Variants in CREB3L1 observed in about 807,000 individuals in gnomAD.
CREB3L1 encodes the protein cyclic AMP-responsive element-binding protein 3-like protein 1.
A neutral mutation model predicts 54.5 loss-of-function variants in CREB3L1; 33 were observed. The observed-to-expected ratio is 0.61, with a 90% CI of 0.46 to 0.81. The LOEUF is 0.81. Among genes scored for constraint, CREB3L1 ranks in the 30% least tolerant of loss-of-function variants. The pLI is 0.00. For synonymous variants in CREB3L1, 284 were observed against 286.4 expected (o/e 0.99, Z 0.08); for missense variants, 656 against 673.3 (o/e 0.97, Z 0.29).
rs1422277690 is a variant in CREB3L1, at chr11:46,307,862, C to T, written c.378C>T (p.Ile126=). The change falls in exon 3 of 12, where the codon ATC becomes ATT. Residue 126 remains isoleucine, a synonymous_variant. Coordinates refer to ENST00000621158, the MANE Select transcript of CREB3L1 (RefSeq NM_052854.4). ...AWALGHKLCS[I]MVKQEQSPEL... Reference sequence around the variant, plus strand: ...CGCTGGGACACAAACTGTGCTCCATCATGGTGAAGCAGGAGCAGAGCCCGG... The same window carrying T: ...CGCTGGGACACAAACTGTGCTCCATTATGGTGAAGCAGGAGCAGAGCCCGG... The T allele has an allele frequency of 6.3e-7, 1 of 1,583,170 alleles. No homozygotes were observed. The highest frequency in any genetic ancestry group is 8.6e-7 in the Non-Finnish European group (1 of 1,164,856).
intron 3 of CREB3L1, 138 bp downstream of exon 3, chr11:46,308,138 C>T (rs1939429996): frequency 1.0e-5 from 8 of 784,654 alleles, no homozygotes; most frequent in Admixed American, 3.5e-5. Flanking sequence ...GTGGGAAGCC[C>T]CCGCCCAGCC....
At chr11:46,299,556 A>C (rs959494210) in intron 1 of CREB3L1, among the ~76,000 whole-genome samples, 1 of 152,234 alleles carries the variant, frequency 6.6e-6, no homozygotes, top group Non-Finnish European at 1.5e-5. Flanking sequence ...GGAAGTAAGA[A>C]GGACTGAGAA....
intron 2 of CREB3L1, among the ~76,000 whole-genome samples, chr11:46,303,508 G>A (rs1939332662): frequency 6.6e-6 from 1 of 151,666 alleles, no homozygotes; most frequent in Non-Finnish European, 1.5e-5. Context: ...GTTGGGAGTG[G>A]AGGTGTGTGC....
chr11:46,287,019 C>T (rs745722936), intron 1 of CREB3L1, among the ~76,000 whole-genome samples: 24 of 152,278 alleles, frequency 1.6e-4, no homozygotes, highest in South Asian at 8.3e-4. Context: ...AGTGGGTCCA[C>T]AGGTCAGATG....
chr11:46,295,613 G>T lies in CREB3L1; in HGVS notation c.103-4322G>T, dbSNP rs7109511. On this transcript the variant is annotated intron_variant, in intron 1 of 11. Coordinates refer to ENST00000621158, the MANE Select transcript of CREB3L1 (RefSeq NM_052854.4). This position sits in a 1 kb window ranked among gnomAD's most constrained non-coding sequence, Gnocchi z 4.6. ...CGGGACCCTCCTCCGCGCGAGCCCT[G>T]CACTCCTCCGGTGCCCTCCACGCCG... Among the ~76,000 whole-genome samples the T allele has an allele frequency of 6.1e-3, 924 of 152,312 alleles. 8 individuals are homozygous for T. The highest frequency in any genetic ancestry group is 0.02 in the African/African-American group (812 of 41,570).
Position 46,321,337 on chromosome 11 carries a change from TA to T in CREB3L1, c.*593del, listed in dbSNP as rs1939649726. The T allele has an allele frequency of 4.3e-6, 1 of 232,746 alleles. No homozygotes were observed. The highest frequency in any genetic ancestry group is 8.6e-6 in the Non-Finnish European group (1 of 115,744). 14.4% of individuals were successfully genotyped at this position (232,746 alleles called of 1,614,324 possible). On this transcript the variant is annotated 3_prime_UTR_variant, in exon 12 of 12. Coordinates refer to ENST00000621158, the MANE Select transcript of CREB3L1 (RefSeq NM_052854.4). ...TGCTGCCCAAGCCGCTGGGCCTTTT[TA>T]ATTGCCAAACTGCTCTCTTCATCAG... is the stretch of plus-strand genomic sequence containing the variant.
intron 2 of CREB3L1, among the ~76,000 whole-genome samples, chr11:46,301,896 A>G (rs1286634067): frequency 5.3e-5 from 8 of 152,060 alleles, no homozygotes; most frequent in Admixed American, 5.2e-4. Flanking sequence ...GGTTGCAGTG[A>G]GTCGAGATCA....
intron 8 of CREB3L1, 48 bp downstream of exon 8, chr11:46,312,967 C>A: frequency 1.4e-6 from 2 of 1,417,468 alleles, no homozygotes; most frequent in Non-Finnish European, 1.9e-6. Flanking sequence ...CCCTCTGCAA[C>A]CCGTGCCTGG....
rs1939631970 is a variant in CREB3L1 at position 46,320,372 on chromosome 11, G to C, written c.1367G>C (p.Gly456Ala). ...CCAGATGGCTGGGAAATCAACCCCGGGGGGCCGGCAGAGCAGCGGCCCCGG... is the reference window on the plus strand; with the variant it reads ...CCAGATGGCTGGGAAATCAACCCCGCGGGGCCGGCAGAGCAGCGGCCCCGG... ...EPPDGWEINP[G>A]GPAEQRPRDH... Residue 456 changes from glycine to alanine, a missense_variant, in exon 11 of 12, where the codon GGG becomes GCG. By Grantham distance (60) the Gly-to-Ala change is moderately conservative. Around this residue, in one of 3 missense-constraint regions of CREB3L1, gnomAD observed 240 missense variants for 219.8 expected, o/e 1.09. Transcript: ENST00000621158. The C allele has an allele frequency of 6.2e-7, 1 of 1,610,862 alleles. No homozygotes were observed. The highest frequency in any genetic ancestry group is 8.5e-7 in the Non-Finnish European group (1 of 1,178,670).
intron 1 of CREB3L1, among the ~76,000 whole-genome samples, chr11:46,296,851 A>G (rs1939218250): frequency 6.6e-6 from 1 of 151,902 alleles, no homozygotes; most frequent in African/African-American, 2.4e-5. Context: ...TGGGGTGGGG[A>G]CTGCTCACAC....
In CREB3L1 at chr11:46,278,063, C is replaced by G. The variant is rs977238267; in HGVS notation, c.-49C>G. The G allele has an allele frequency of 7.9e-7, 1 of 1,262,944 alleles. No individual in the cohort carries two copies. Among genetic ancestry groups the G allele is most frequent in the Non-Finnish European group, 1.1e-6 (1 of 900,962 alleles). The allele number at this position is 1,262,944 out of a possible 1,614,324, so 78.2% of individuals were successfully genotyped here. A position where few individuals can be genotyped will look rare whatever the true frequency, so the allele number is the denominator to read the frequency against. ...AGCTCTGGACTGGGCGCGCCGCCGCCCTGGAGTGAGGGAAGCCCAGTGGAA... is the reference window on the plus strand; with the variant it reads ...AGCTCTGGACTGGGCGCGCCGCCGCGCTGGAGTGAGGGAAGCCCAGTGGAA... On this transcript the variant is annotated 5_prime_UTR_variant, in exon 1 of 12. Transcript: ENST00000621158. This position sits in a 1 kb window ranked among gnomAD's most constrained non-coding sequence, Gnocchi z 4.2.
At chr11:46,311,786 G>A (rs112845927) in intron 5 of CREB3L1, among the ~76,000 whole-genome samples, 8,392 of 152,278 alleles carry the variant, frequency 0.055, 300 homozygotes, top group East Asian at 0.091. Context: ...GTGAGCCACC[G>A]CATCTGGTCA....
In CREB3L1 at chr11:46,316,350, A is replaced by G; in HGVS notation, c.1096A>G (p.Lys366Glu). 2 of 1,574,104 alleles carry G rather than the reference A, an allele frequency of 1.3e-6. No individual in the cohort carries two copies. Among genetic ancestry groups the G allele is most frequent in the East Asian group, 4.7e-5 (2 of 42,358 alleles). The stretch of plus-strand genomic sequence containing the variant: ...CACCAACAAGATCTCCAGACCTTAC[A>G]AGATGGCCGCCACCCAGACTGGGAC... Reference protein sequence around the residue: ...LVTNKISRPYKMAATQTGTCL... With the variant: ...LVTNKISRPYEMAATQTGTCL... Residue 366 changes from lysine to glutamate, a missense_variant, in exon 9 of 12, where the codon AAG becomes GAG. Physicochemically the swap from Lys to Glu is moderately conservative, Grantham distance 56 (BLOSUM62 1). This residue lies in a region of CREB3L1 where 240 missense variants were observed against 219.8 expected (regional missense o/e 1.09). Coordinates refer to ENST00000621158, the MANE Select transcript of CREB3L1 (RefSeq NM_052854.4).
chr11:46,320,673 G>C (rs1287191654), intron 11 of CREB3L1, 37 bp from the exon 12 acceptor site: 2 of 1,601,828 alleles, frequency 1.2e-6, no homozygotes, highest in East Asian at 2.2e-5. Flanking sequence ...GAGGGTTCCT[G>C]CTGGACAGTC....
chr11:46,314,237 C>CA (rs1262951906), intron 8 of CREB3L1, among the ~76,000 whole-genome samples: 3,738 of 83,242 alleles, frequency 0.045, 99 homozygotes, highest in African/African-American at 0.11. Flanking sequence ...GACTCTGTCT[C>CA]AAAAAAAAAA....
rs747175434 is a variant in CREB3L1, at chr11:46,320,509, A to C, written c.1504A>C (p.Lys502Gln). Residue 502 changes from lysine (K) to glutamine (Q), a missense_variant, in exon 11 of 12, where the codon AAG becomes CAG. Around this residue, in one of 3 missense-constraint regions of CREB3L1, gnomAD observed 240 missense variants for 219.8 expected, o/e 1.09. Coordinates refer to ENST00000621158, the MANE Select transcript of CREB3L1 (RefSeq NM_052854.4). ...NGTSPDFSHS[K>Q]EWFHDRDLGP... is the part of the protein sequence containing the mutation. ...CACCAGCCCCGACTTCTCCCACTCCAAGGAGTGGTTCCACGACAGGTGGGG... is the reference window on the plus strand; with the variant it reads ...CACCAGCCCCGACTTCTCCCACTCCCAGGAGTGGTTCCACGACAGGTGGGG... 83 of 1,551,250 alleles carry C rather than the reference A, an allele frequency of 5.4e-5. No individual in the cohort carries two copies. Among genetic ancestry groups the C allele is most frequent in the Non-Finnish European group, 6.4e-5 (74 of 1,153,578 alleles).
chr11:46,309,986 C>T lies in CREB3L1; in HGVS notation c.517-3C>T, dbSNP rs1477537385. The T allele has an allele frequency of 8.8e-6, 14 of 1,596,160 alleles. No individual in the cohort carries two copies. Among genetic ancestry groups the T allele is most frequent in the Admixed American group, 6.9e-5 (4 of 57,708 alleles). ...AATGGAGCTGGGCTTGTCTGTTCCT[C>T]AGGCCCCGGGAGAGATGACTCAGCT... On this transcript the variant is annotated splice_region_variant and splice_polypyrimidine_tract_variant and intron_variant, in intron 3 of 11. Transcript: ENST00000621158.
At chr11:46,299,161 A>G (rs1208322234) in intron 1 of CREB3L1, among the ~76,000 whole-genome samples, 1 of 148,382 alleles carries the variant, frequency 6.7e-6, no homozygotes, top group Non-Finnish European at 1.5e-5. Flanking sequence ...TTTCTGTTTT[A>G]TTTTTACTTA....
intron 1 of CREB3L1, among the ~76,000 whole-genome samples, chr11:46,297,235 G>T (rs926484342): frequency 6.6e-6 from 1 of 152,238 alleles, no homozygotes; most frequent in Non-Finnish European, 1.5e-5. Context: ...TGGGTGGTTG[G>T]GGGGTGGTTA....
Sources: gnomAD v4.1 joint callset for allele counts (sites outside exome capture counted in the v4.1 genomes callset) on GRCh38, gnomAD v4.1.1 for gene constraint, gnomAD v4.1.1 regional missense constraint, Gnocchi (gnomAD v3.1) non-coding constraint, MANE v1.5 for transcripts, NCBI Gene and HGNC (gene_info 2026-07-23, HGNC 2026-07-21) for gene names.